CFAP263: variants seen among roughly 807,000 people sequenced by gnomAD.
CFAP263 encodes the protein cilia- and flagella-associated protein 263.
At chr16:58,251,155 G>T in the CFAP263 span, among the ~76,000 whole-genome samples, 36 of 152,214 alleles carry the variant, frequency 2.4e-4, no homozygotes, top group African/African-American at 8.7e-4. Context: ...TATGTACCAT[G>T]CATTTACATA....
the CFAP263 span, among the ~76,000 whole-genome samples, chr16:58,278,978 A>T: frequency 4.7e-4 from 70 of 149,632 alleles, no homozygotes; most frequent in African/African-American, 1.6e-3. Context: ...GGAGAAGTCC[A>T]TTTTTTTTTT....
the CFAP263 span, among the ~76,000 whole-genome samples, chr16:58,254,993 T>C: frequency 6.6e-6 from 1 of 152,108 alleles, no homozygotes; most frequent in Non-Finnish European, 1.5e-5. Context: ...AGTATACATG[T>C]ATATATGAAA....
At chr16:58,258,341 C>T in the CFAP263 span, 2 of 1,607,668 alleles carry the variant, frequency 1.2e-6, no homozygotes, top group East Asian at 2.2e-5. Flanking sequence ...TGGAAACGTT[C>T]TTCTCTCTTT....
chr16:58,280,641 C>T, the CFAP263 span: 7 of 1,614,054 alleles, frequency 4.3e-6, no homozygotes, highest in Non-Finnish European at 5.9e-6. Context: ...TGTAGTCTTC[C>T]ACCTTGGTGT....
the CFAP263 span, among the ~76,000 whole-genome samples, chr16:58,273,002 A>C: frequency 6.6e-6 from 1 of 151,998 alleles, no homozygotes. Context: ...TTTTCTTTTC[A>C]GCCCATTGCC....
the CFAP263 span, among the ~76,000 whole-genome samples, chr16:58,257,630 C>T: frequency 1.3e-5 from 2 of 151,568 alleles, no homozygotes; most frequent in Admixed American, 6.6e-5. Flanking sequence ...ATTTTTCCCC[C>T]CAATACTCAG....
At chr16:58,283,660 T>G in the CFAP263 span, 3 of 152,166 alleles carry the variant, frequency 2.0e-5, no homozygotes, top group Non-Finnish European at 2.9e-5. Flanking sequence ...AAGCTATATC[T>G]TCACTGTATT....
chr16:58,279,843 C>A, the CFAP263 span: 2 of 1,260,592 alleles, frequency 1.6e-6, no homozygotes, highest in South Asian at 1.3e-5. Context: ...CCTTTCTAGT[C>A]ACGGGCTCCT....
At chr16:58,278,520 G>A in the CFAP263 span, 91 of 1,614,204 alleles carry the variant, frequency 5.6e-5, no homozygotes, top group African/African-American at 1.1e-3. Context: ...AGAGGCTCCG[G>A]AAGCAGCTGG....
At chr16:58,258,500 A>C in the CFAP263 span, 1 of 1,614,146 alleles carries the variant, frequency 6.2e-7, no homozygotes, top group Non-Finnish European at 8.5e-7. Context: ...GATGAAATAC[A>C]TTGAGGACAT....
chr16:58,258,316 A>C, the CFAP263 span: 2 of 1,562,362 alleles, frequency 1.3e-6, no homozygotes, highest in Non-Finnish European at 1.7e-6. Flanking sequence ...TAGAAGACAC[A>C]TCCTTGAAGA....
At chr16:58,262,615 G>A in the CFAP263 span, 1 of 1,408,500 alleles carries the variant, frequency 7.1e-7, no homozygotes, top group African/African-American at 1.4e-5. Context: ...GGAGGTTCTT[G>A]TGCATTCCAG....
At chr16:58,276,182 T>A in the CFAP263 span, among the ~76,000 whole-genome samples, 2 of 152,132 alleles carry the variant, frequency 1.3e-5, no homozygotes, top group African/African-American at 4.8e-5. Flanking sequence ...AACTGAAATG[T>A]GAAAAATATT....
the CFAP263 span, chr16:58,254,031 G>A: frequency 1.9e-6 from 3 of 1,614,212 alleles, no homozygotes; most frequent in Non-Finnish European, 1.7e-6. Flanking sequence ...ATCCCGGACA[G>A]GTATGGACCG....
the CFAP263 span, chr16:58,280,408 A>G: frequency 3.4e-5 from 55 of 1,613,980 alleles, no homozygotes; most frequent in Non-Finnish European, 4.7e-5. Context: ...CTTCTCCCTA[A>G]CATCTAGACT....
the CFAP263 span, chr16:58,282,779 C>T: frequency 7.9e-5 from 12 of 152,406 alleles, no homozygotes; most frequent in African/African-American, 2.9e-4. Flanking sequence ...TTCCCCCTTT[C>T]ATCAGTCCGA....
At chr16:58,255,562 G>A in the CFAP263 span, among the ~76,000 whole-genome samples, 1 of 151,478 alleles carries the variant, frequency 6.6e-6, no homozygotes, top group African/African-American at 2.4e-5. Flanking sequence ...CCCTAGGTCA[G>A]CATTTCTTTC....
the CFAP263 span, among the ~76,000 whole-genome samples, chr16:58,273,011 C>T: frequency 6.6e-6 from 1 of 152,022 alleles, no homozygotes; most frequent in African/African-American, 2.4e-5. Flanking sequence ...CAGCCCATTG[C>T]CTTCTGGCCT....
the CFAP263 span, chr16:58,281,288 G>A: frequency 6.3e-6 from 1 of 158,664 alleles, no homozygotes; most frequent in Non-Finnish European, 1.4e-5. Context: ...TGACGGAGTA[G>A]AAGCTTGGCA....
Sources: gnomAD v4.1 joint callset for allele counts (sites outside exome capture counted in the v4.1 genomes callset) on GRCh38, gnomAD v4.1.1 for gene constraint, MANE v1.5 for transcripts, NCBI Gene and HGNC (gene_info 2026-07-23, HGNC 2026-07-21) for gene names.